The following RBPJ variants were observed in gnomAD, a reference collection of about 807,000 sequenced individuals.
RBPJ encodes recombination signal binding protein for immunoglobulin kappa J region.
In RBPJ, 9 loss-of-function variants were observed where a neutral mutation model predicts 67.8. That is an observed-to-expected ratio of 0.13 (90% CI 0.08 to 0.23). The LOEUF (loss-of-function observed/expected upper bound fraction) is 0.23, where lower values mean the gene tolerates loss of function less well. Among genes scored for constraint, RBPJ ranks in the 10% least tolerant of loss-of-function variants. RBPJ has a pLI of 1.00. For synonymous variants in RBPJ, 198 were observed against 203.3 expected (o/e 0.97, Z 0.22); for missense variants, 305 against 595.6 (o/e 0.51, Z 5.08).
chr4:26,341,342 C>A (rs1234114329), intron 1 of RBPJ, among the ~76,000 whole-genome samples: 1 of 151,984 alleles, frequency 6.6e-6, no homozygotes, highest in Admixed American at 6.6e-5. Flanking sequence ...TGGCTGGCTG[C>A]GGTGGCTCAT....
intron 3 of RBPJ, among the ~76,000 whole-genome samples, chr4:26,410,521 G>A (rs1336296220): frequency 6.6e-6 from 1 of 152,196 alleles, no homozygotes; most frequent in African/African-American, 2.4e-5. Flanking sequence ...TTAAGCAGTA[G>A]CAGTAATGAT....
At chr4:26,370,198 A>G (rs1281605080) in intron 1 of RBPJ, among the ~76,000 whole-genome samples, 1 of 152,178 alleles carries the variant, frequency 6.6e-6, no homozygotes, top group Non-Finnish European at 1.5e-5. Flanking sequence ...ACCAAACCAA[A>G]ACATTGATAA....
chr4:26,412,593 G>A (rs762292304), intron 3 of RBPJ, among the ~76,000 whole-genome samples: 15 of 152,016 alleles, frequency 9.9e-5, no homozygotes, highest in Non-Finnish European at 2.1e-4. Context: ...TCCAAGGTCT[G>A]GGGAAAAAAA....
intron 1 of RBPJ, among the ~76,000 whole-genome samples, chr4:26,323,282 C>T (rs932888728): frequency 6.6e-6 from 1 of 151,980 alleles, no homozygotes; most frequent in Non-Finnish European, 1.5e-5. Context: ...CACTGGTTCT[C>T]TGACTGGGAG....
chr4:26,182,135 G>A (rs894773512), intron 1 of RBPJ, among the ~76,000 whole-genome samples: 1 of 152,202 alleles, frequency 6.6e-6, no homozygotes, highest in African/African-American at 2.4e-5. Flanking sequence ...GAGGTCAGAA[G>A]ATCAAGACCA....
Position 26,308,181 on chromosome 4 carries a change from C to T in RBPJ, c.-166-54265C>T, listed in dbSNP as rs369709663. ...GTCCCAGCTAGTCGGGAGGCTGAGG[C>T]GGGAGAATGGCGTGAGCCCGGGAGG... On this transcript the variant is annotated intron_variant, in intron 1 of 4. Coordinates refer to the RBPJ transcript ENST00000512351. Among the ~76,000 whole-genome samples the T allele has an allele frequency of 1.2e-3, 188 of 151,998 alleles. 1 individual carries two copies. Among genetic ancestry groups the T allele is most frequent in the African/African-American group, 4.4e-3 (182 of 41,460 alleles).
intron 5 of RBPJ, among the ~76,000 whole-genome samples, chr4:26,423,732 A>G (rs974447323): frequency 2.6e-5 from 4 of 152,218 alleles, no homozygotes; most frequent in Admixed American, 1.3e-4. Flanking sequence ...TTCTGCTTAC[A>G]TGGATTTATT....
At chr4:26,262,394 C>T (rs565355127) in intron 1 of RBPJ, among the ~76,000 whole-genome samples, 4 of 152,162 alleles carry the variant, frequency 2.6e-5, no homozygotes, top group Non-Finnish European at 4.4e-5. Context: ...AGTTTTTAAA[C>T]GCCAGAATCT....
At chr4:26,303,733 C>T (rs561928914) in intron 1 of RBPJ, among the ~76,000 whole-genome samples, 2 of 152,108 alleles carry the variant, frequency 1.3e-5, no homozygotes, top group South Asian at 4.1e-4. Flanking sequence ...TGCTTGAGCC[C>T]AGGAGTTGGA....
chr4:26,155,041 A>C, the RBPJ span, among the ~76,000 whole-genome samples: 1 of 152,226 alleles, frequency 6.6e-6, no homozygotes, highest in East Asian at 1.9e-4. Flanking sequence ...CCACAGGCTC[A>C]GTCTAGGAAA....
chr4:26,345,161 G>T (rs1321188693), intron 1 of RBPJ, among the ~76,000 whole-genome samples: 1 of 152,116 alleles, frequency 6.6e-6, no homozygotes, highest in Non-Finnish European at 1.5e-5. Context: ...AGATATAAAG[G>T]TTTTCCAGTG....
intron 1 of RBPJ, among the ~76,000 whole-genome samples, chr4:26,205,916 A>G (rs548667318): frequency 6.6e-6 from 1 of 152,290 alleles, no homozygotes; most frequent in African/African-American, 2.4e-5. Context: ...TAAGAAAAAA[A>G]AAACTTCTAA....
At chr4:26,352,821 CTT>C (rs1726950631) in intron 1 of RBPJ, among the ~76,000 whole-genome samples, 2 of 152,246 alleles carry the variant, frequency 1.3e-5, no homozygotes, top group African/African-American at 4.8e-5. Context: ...GCAGAAGTCT[CTT>C]ATACTGCCAT....
chr4:26,251,402 G>A (rs187540705), intron 1 of RBPJ, among the ~76,000 whole-genome samples: 32 of 152,148 alleles, frequency 2.1e-4, no homozygotes, highest in African/African-American at 6.7e-4. Flanking sequence ...ATGGGAGGCC[G>A]AGGCAGGTGG....
intron 1 of RBPJ, among the ~76,000 whole-genome samples, chr4:26,295,219 C>T (rs77853846): frequency 0.018 from 2,640 of 149,572 alleles, 41 homozygotes; most frequent in Non-Finnish European, 0.029. Context: ...AGTATATGGC[C>T]GTTGTCCAGG....
intron 1 of RBPJ, among the ~76,000 whole-genome samples, chr4:26,213,080 A>G (rs1401722488): frequency 6.6e-6 from 1 of 152,158 alleles, no homozygotes; most frequent in South Asian, 2.1e-4. Context: ...ATAATAAACT[A>G]GTAAATATAA....
At chr4:26,276,455 T>G (rs996613900) in intron 1 of RBPJ, among the ~76,000 whole-genome samples, 6 of 152,174 alleles carry the variant, frequency 3.9e-5, no homozygotes, top group African/African-American at 1.2e-4. Flanking sequence ...GCTTGGTGGT[T>G]GTGACGTTGC....
intron 2 of RBPJ, among the ~76,000 whole-genome samples, chr4:26,398,367 G>A (rs550753488): frequency 6.6e-6 from 1 of 152,268 alleles, no homozygotes; most frequent in East Asian, 1.9e-4. Context: ...GTTTTCAGAA[G>A]AATGGCGATT....
At chr4:26,387,984 C>T (rs1316164305) in intron 2 of RBPJ, among the ~76,000 whole-genome samples, 2 of 152,038 alleles carry the variant, frequency 1.3e-5, no homozygotes, top group Non-Finnish European at 2.9e-5. Flanking sequence ...CAGAACACAG[C>T]TCAAGAATAC....
Sources: gnomAD v4.1 joint callset for allele counts (sites outside exome capture counted in the v4.1 genomes callset) on GRCh38, gnomAD v4.1.1 for gene constraint, MANE v1.5 for transcripts, NCBI Gene and HGNC (gene_info 2026-07-23, HGNC 2026-07-21) for gene names.